The following GRK4 variants were observed in gnomAD, a reference collection of about 807,000 sequenced individuals.
GRK4 encodes G protein-coupled receptor kinase 4.
GRK4 carries 73 observed loss-of-function variants against 77.9 expected under a neutral mutation model. The observed-to-expected ratio is 0.94, with a 90% CI of 0.78 to 1.14. GRK4 has a LOEUF of 1.14. Among genes scored for constraint, GRK4 ranks in the 50% most tolerant of loss-of-function variants. The pLI is 0.00. For missense variants in GRK4, 729 were observed against 700.2 expected (o/e 1.04, Z -0.46); for synonymous variants, 257 against 254.4 (o/e 1.01, Z -0.10).
intron 1 of GRK4, among the ~76,000 whole-genome samples, chr4:2,983,104 G>T (rs1187458596): frequency 6.6e-6 from 1 of 152,202 alleles, no homozygotes; most frequent in Non-Finnish European, 1.5e-5. Context: ...CTAAGGCTGA[G>T]GAAGAAGCTC....
Position 2,988,771 on chromosome 4 carries a change from C to G in GRK4, c.193C>G (p.Arg65Gly), listed in dbSNP as rs372027080. Residue 65 changes from arginine (R) to glycine (G), a missense_variant, in exon 3 of 16, where the codon CGT becomes GGT. Transcript: ENST00000398052. ...TTGTGACAAGCAACCGATAGGAAGACGTCTCTTCAGGCAGTTCTGTGATAC... is the reference window on the plus strand; with the variant it reads ...TTGTGACAAGCAACCGATAGGAAGAGGTCTCTTCAGGCAGTTCTGTGATAC... Reference protein sequence around the residue: ...SLCDKQPIGRRLFRQFCDTKP... With the variant: ...SLCDKQPIGRGLFRQFCDTKP... 3.1e-6 allele frequency: 5 copies of G among 1,613,128 alleles called. No individual in the cohort carries two copies. The highest frequency in any genetic ancestry group is 4.2e-6 in the Non-Finnish European group (5 of 1,179,232).
At chr4:3,008,032 GAA>G (rs1312503272) in intron 6 of GRK4, among the ~76,000 whole-genome samples, 2 of 152,148 alleles carry the variant, frequency 1.3e-5, no homozygotes, top group Non-Finnish European at 1.5e-5. Context: ...CAGAAAAAAA[GAA>G]AAGAGACCTC....
In GRK4 at chr4:3,027,935, G is replaced by A. The variant is rs149085165; in HGVS notation, c.994G>A (p.Gly332Ser). 8.3e-4 allele frequency: 1,347 copies of A among 1,614,048 alleles called. 9 individuals carry two copies. The African/African-American group carries it at 0.016, about 19-fold the overall frequency. ...AGGACACATCCGGATTTCAGACCTC[G>A]GTTTGGCCACAGAGATCCCAGAAGG... is the stretch of plus-strand genomic sequence containing the variant. Reference protein sequence around the residue: ...DRGHIRISDLGLATEIPEGQR... With the variant: ...DRGHIRISDLSLATEIPEGQR... Residue 332 changes from glycine (G) to serine (S), a missense_variant, in exon 11 of 16, where the codon GGT becomes AGT. Gly to Ser is a moderately conservative substitution (Grantham distance 56). Coordinates refer to ENST00000398052, the MANE Select transcript of GRK4 (RefSeq NM_182982.3).
At chr4:2,964,335 A>G (rs1391722566) in intron 1 of GRK4, among the ~76,000 whole-genome samples, 1 of 151,934 alleles carries the variant, frequency 6.6e-6, no homozygotes, top group Admixed American at 6.6e-5. Context: ...CCCAGTCCCC[A>G]TCTCCTGGCC....
intron 4 of GRK4, 84 bp downstream of exon 4, chr4:2,992,376 C>A: frequency 1.1e-6 from 1 of 927,708 alleles, no homozygotes; most frequent in South Asian, 1.4e-5. Context: ...TAAGACGTAA[C>A]ATATGTTAAA....
intron 1 of GRK4, among the ~76,000 whole-genome samples, chr4:2,964,359 T>C (rs1397741735): frequency 6.6e-6 from 1 of 151,938 alleles, no homozygotes; most frequent in African/African-American, 2.4e-5. Flanking sequence ...ATGAGAGAAG[T>C]CTGCGCTTTG....
intron 2 of GRK4, 127 bp downstream of exon 2, chr4:2,984,735 A>G (rs1723772724): frequency 4.5e-6 from 2 of 440,454 alleles, no homozygotes; most frequent in African/African-American, 2.1e-5. Context: ...TTATATCTTC[A>G]TGATTCCTCT....
chr4:3,024,275 A>G (rs1381850142), intron 10 of GRK4, among the ~76,000 whole-genome samples: 2 of 152,090 alleles, frequency 1.3e-5, no homozygotes, highest in African/African-American at 4.8e-5. Flanking sequence ...TTTTAAGGTC[A>G]GGGTCTCTCT....
intron 6 of GRK4, 32 bp downstream of exon 6, chr4:3,007,860 A>C: frequency 2.7e-6 from 4 of 1,464,430 alleles, no homozygotes; most frequent in Non-Finnish European, 3.8e-6. Context: ...GATAAAAGCC[A>C]ATTGAGGTGG....
At chr4:2,967,925 G>A (rs1465525688) in intron 1 of GRK4, among the ~76,000 whole-genome samples, 3 of 151,966 alleles carry the variant, frequency 2.0e-5, no homozygotes, top group African/African-American at 7.3e-5. Flanking sequence ...CGAGTAGCTG[G>A]GATTACAGGC....
chr4:3,008,508 A>C (rs1241295435), intron 6 of GRK4, among the ~76,000 whole-genome samples: 1 of 152,218 alleles, frequency 6.6e-6, no homozygotes, highest in Non-Finnish European at 1.5e-5. Context: ...AGTGCTTAAA[A>C]AGTGTTAGCT....
intron 10 of GRK4, among the ~76,000 whole-genome samples, chr4:3,023,723 C>T (rs1052003039): frequency 2.0e-5 from 3 of 152,132 alleles, no homozygotes; most frequent in African/African-American, 7.2e-5. Context: ...GGGCACTAAG[C>T]GAAGCTGCTC....
chr4:2,997,573 A>G (rs1358332161), intron 4 of GRK4, among the ~76,000 whole-genome samples: 1 of 152,184 alleles, frequency 6.6e-6, no homozygotes, highest in African/African-American at 2.4e-5. Context: ...TCAGCCTGAT[A>G]AATGATATCT....
intron 7 of GRK4, among the ~76,000 whole-genome samples, chr4:3,011,951 G>A (rs1000435781): frequency 1.3e-5 from 2 of 152,196 alleles, no homozygotes; most frequent in African/African-American, 4.8e-5. Flanking sequence ...GCAGACCCGA[G>A]GTCAGGGTCC....
intron 10 of GRK4, among the ~76,000 whole-genome samples, chr4:3,023,850 T>C (rs569252046): frequency 2.6e-5 from 4 of 152,332 alleles, no homozygotes; most frequent in Admixed American, 2.0e-4. Flanking sequence ...AGAGTGTGTG[T>C]GTAGTGTGCT....
At chr4:2,997,537 G>C (rs1348897168) in intron 4 of GRK4, among the ~76,000 whole-genome samples, 1 of 151,714 alleles carries the variant, frequency 6.6e-6, no homozygotes, top group Non-Finnish European at 1.5e-5. Flanking sequence ...CTTGATAATA[G>C]AGAGAGAGAG....
At chr4:3,035,562 G>A in intron 13 of GRK4, 39 bp downstream of exon 13, 4 of 1,590,932 alleles carry the variant, frequency 2.5e-6, no homozygotes, top group Non-Finnish European at 3.4e-6. Context: ...CCTAGGAACA[G>A]TGATCCGCAC....
At chr4:3,036,399 GAGCAGCTAC>G (rs1164565200) in intron 13 of GRK4, among the ~76,000 whole-genome samples, 2 of 152,242 alleles carry the variant, frequency 1.3e-5, no homozygotes, top group African/African-American at 4.8e-5. Flanking sequence ...AATGAGTGAA[GAGCAGCTAC>G]TCTAACAGCT....
At chr4:2,996,506 G>GT (rs1443246385) in intron 4 of GRK4, among the ~76,000 whole-genome samples, 1 of 151,970 alleles carries the variant, frequency 6.6e-6, no homozygotes, top group African/African-American at 2.4e-5. Flanking sequence ...AGTGAGCTGA[G>GT]TTCGCGCCAC....
Sources: gnomAD v4.1 joint callset for allele counts (sites outside exome capture counted in the v4.1 genomes callset) on GRCh38, gnomAD v4.1.1 for gene constraint, MANE v1.5 for transcripts, NCBI Gene and HGNC (gene_info 2026-07-23, HGNC 2026-07-21) for gene names.